EDA: variants seen among roughly 807,000 people sequenced by gnomAD.
EDA encodes the protein ectodysplasin A.
Under a neutral mutation model 23.6 loss-of-function variants are expected in EDA, and 2 were observed. The observed-to-expected ratio is 0.08, with a 90% CI of 0.03 to 0.27. The LOEUF is 0.27. EDA is among the 10% of genes least tolerant of loss of function. EDA has a pLI of 1.00. For missense variants in EDA, 229 were observed against 324.2 expected, an observed-to-expected ratio of 0.71 and a Z score of 2.26; for synonymous variants, 131 against 132.0, an observed-to-expected ratio of 0.99 and a Z score of 0.05.
At chrX:69,728,198 C>T (rs756623103) in intron 1 of EDA, among the ~76,000 whole-genome samples, 12 of 106,631 alleles carry the variant, frequency 1.1e-4, no homozygotes, top group African/African-American at 2.1e-4. Context: ...GAGCTGTCAT[C>T]ACACCACTGC....
chrX:69,753,811 C>T (rs2013991045), intron 1 of EDA, among the ~76,000 whole-genome samples: 1 of 111,376 alleles, frequency 9.0e-6, no homozygotes, highest in African/African-American at 3.3e-5. Flanking sequence ...TTGAATTAAA[C>T]CCTTTACCAT....
At chrX:69,823,631 C>T in intron 1 of EDA, among the ~76,000 whole-genome samples, 1 of 92,540 alleles carries the variant, frequency 1.1e-5, no homozygotes, top group Non-Finnish European at 2.1e-5. Flanking sequence ...CGAAAATTTT[C>T]TCCCATTCTG....
intron 2 of EDA, among the ~76,000 whole-genome samples, chrX:70,014,042 C>T (rs1320756693): frequency 1.8e-5 from 2 of 112,291 alleles, no homozygotes; most frequent in Non-Finnish European, 1.9e-5. Flanking sequence ...AGGCCCTCTG[C>T]CATTGCCACT....
chrX:69,831,109 C>T (rs777680238), intron 1 of EDA, among the ~76,000 whole-genome samples: 7 of 111,500 alleles, frequency 6.3e-5, no homozygotes, highest in African/African-American at 2.0e-4. Flanking sequence ...TACATGTGCA[C>T]AACGTACAAG....
chrX:69,725,745 C>A (rs2012773817), intron 1 of EDA, among the ~76,000 whole-genome samples: 1 of 112,372 alleles, frequency 8.9e-6, no homozygotes, highest in Non-Finnish European at 1.9e-5. Flanking sequence ...GGGACTTCTG[C>A]TTTTGTTTTG....
intron 1 of EDA, among the ~76,000 whole-genome samples, chrX:69,681,898 G>C (rs947816341): frequency 9.0e-6 from 1 of 110,791 alleles, no homozygotes; most frequent in Non-Finnish European, 1.9e-5. Flanking sequence ...GAGAGGCGCT[G>C]TGCTTTTTAG....
intron 1 of EDA, among the ~76,000 whole-genome samples, chrX:69,815,073 A>G (rs1232213501): frequency 2.7e-5 from 3 of 111,825 alleles, no homozygotes; most frequent in African/African-American, 9.7e-5. Flanking sequence ...CCACTTCCAC[A>G]TTATCTCACA....
At chrX:69,919,791 C>A (rs2018399480) in intron 1 of EDA, among the ~76,000 whole-genome samples, 1 of 111,784 alleles carries the variant, frequency 8.9e-6, no homozygotes, top group Non-Finnish European at 1.9e-5. Flanking sequence ...TAGAAAAGTT[C>A]AATTTTAGCA....
At chrX:69,725,180 C>T (rs2012744480) in intron 1 of EDA, among the ~76,000 whole-genome samples, 1 of 111,714 alleles carries the variant, frequency 9.0e-6, no homozygotes, top group South Asian at 3.7e-4. Flanking sequence ...TTATTAACTG[C>T]CTTGACAAAA....
Position 69,736,180 on chromosome X carries a change from C to T in EDA, c.396+119476C>T, listed in dbSNP as rs1033916034. On this transcript the variant is annotated intron_variant, in intron 1 of 7. Transcript: ENST00000374552. ...AATTAGCTGGGCGTGGTGGCGCATG[C>T]TGTAATCCCAGCTACTCGGGAGACT... 2.7e-5 allele frequency among the ~76,000 whole-genome samples: 3 copies of T among 109,657 alleles called. No homozygotes were observed. The Admixed American group carries it at 2.9e-4, about 11-fold the overall frequency.
chrX:69,655,949 A>T (rs1225629719), intron 1 of EDA, among the ~76,000 whole-genome samples: 1 of 106,265 alleles, frequency 9.4e-6, no homozygotes, highest in Non-Finnish European at 1.9e-5. Context: ...CACTTAGGTG[A>T]TAATCTACTC....
At chrX:69,785,158 G>C (rs1410616876) in intron 1 of EDA, among the ~76,000 whole-genome samples, 73 of 101,003 alleles carry the variant, frequency 7.2e-4, no homozygotes, top group Non-Finnish European at 1.3e-3. Flanking sequence ...CTGAGACTTT[G>C]CTGAAGTTGC....
At position 69,896,398 on chromosome X, in the gene EDA, A is replaced by AGTGTGT. The variant is rs373119823; in HGVS notation, c.397-60600_397-60595dup. Among the ~76,000 whole-genome samples the AGTGTGT allele has an allele frequency of 4.6e-3, 451 of 97,298 alleles. 2 individuals are homozygous for AGTGTGT. Among genetic ancestry groups the AGTGTGT allele is most frequent in the African/African-American group, 0.015 (402 of 26,115 alleles). The allele number at this position is 97,298 out of a possible 115,157, so 84.5% of individuals were successfully genotyped here. On this transcript the variant is annotated intron_variant, in intron 1 of 7. Coordinates refer to ENST00000374552, the MANE Select transcript of EDA (RefSeq NM_001399.5). ...GAAAGATGATAAGGGTATGTGCATC[A>AGTGTGT]GTGTGTGTGTGTGTGTGTGTGTGTG...
intron 6 of EDA, among the ~76,000 whole-genome samples, chrX:70,032,825 A>G (rs1459260530): frequency 8.9e-6 from 1 of 111,951 alleles, no homozygotes; most frequent in Non-Finnish European, 1.9e-5. Flanking sequence ...AGTCTGAATC[A>G]TCTCTAATCC....
intron 1 of EDA, among the ~76,000 whole-genome samples, chrX:69,653,732 A>G (rs1416274284): frequency 9.0e-6 from 1 of 111,595 alleles, no homozygotes; most frequent in Non-Finnish European, 1.9e-5. Flanking sequence ...GGTGCTGGGA[A>G]AACTGGCTAG....
chrX:69,681,981 G>T (rs1373133583), intron 1 of EDA, among the ~76,000 whole-genome samples: 25 of 109,753 alleles, frequency 2.3e-4, no homozygotes, highest in Admixed American at 5.8e-4. Flanking sequence ...TGATGATCGT[G>T]ATGTACAGAT....
intron 1 of EDA, among the ~76,000 whole-genome samples, chrX:69,918,720 G>GA (rs771907827): frequency 9.1e-4 from 101 of 110,917 alleles, no homozygotes; most frequent in Non-Finnish European, 1.8e-3. Context: ...AGACTGGTTT[G>GA]AAAAAAAATC....
chrX:69,805,529 G>C lies in EDA; in HGVS notation c.397-151498G>C, dbSNP rs2015794482. Among the ~76,000 whole-genome samples the C allele has an allele frequency of 2.7e-5, 3 of 110,983 alleles. No individual in the cohort carries two copies. In the South Asian group the frequency reaches 1.1e-3, roughly 42 times the overall value. On this transcript the variant is annotated intron_variant, in intron 1 of 7. Coordinates refer to ENST00000374552, the MANE Select transcript of EDA (RefSeq NM_001399.5). Reference sequence around the variant, plus strand: ...TTAGTTTTATTTTTTTACCTCCTCTGCTTAGGAAAGTAAGACAAAACTAAA... The same window carrying C: ...TTAGTTTTATTTTTTTACCTCCTCTCCTTAGGAAAGTAAGACAAAACTAAA...
At chrX:69,873,160 C>T (rs961915631) in intron 1 of EDA, among the ~76,000 whole-genome samples, 4 of 111,475 alleles carry the variant, frequency 3.6e-5, no homozygotes, top group African/African-American at 6.5e-5. Flanking sequence ...GGGTTAAGAA[C>T]GAAATTAAAA....
Sources: allele counts gnomAD v4.1 joint callset (sites outside exome capture counted in the v4.1 genomes callset), GRCh38; gene constraint gnomAD v4.1.1; transcripts MANE v1.5; gene names NCBI Gene and HGNC (gene_info 2026-07-23, HGNC 2026-07-21).